The following SHC3 variants were observed in gnomAD, a reference collection of about 807,000 sequenced individuals.
SHC3 encodes SHC-transforming protein 3.
A neutral mutation model predicts 60.4 loss-of-function variants in SHC3; 15 were observed. The ratio of observed to expected loss-of-function variants is 0.25; its 90% CI spans 0.17 to 0.38. The LOEUF is 0.38. SHC3 is among the 10% of genes least tolerant of loss of function. SHC3 has a pLI of 1.00. For synonymous variants in SHC3, 294 were observed against 325.9 expected (o/e 0.90, Z 1.05); for missense variants, 677 against 786.1 (o/e 0.86, Z 1.66).
intron 1 of SHC3, among the ~76,000 whole-genome samples, chr9:89,143,027 G>A (rs1826417637): frequency 2.0e-5 from 3 of 152,074 alleles, no homozygotes; most frequent in Admixed American, 6.6e-5. Context: ...ATTGGATCTC[G>A]GATCTCGCAC....
intron 11 of SHC3, among the ~76,000 whole-genome samples, chr9:89,019,177 T>C (rs771113935): frequency 3.3e-5 from 5 of 152,202 alleles, no homozygotes; most frequent in Non-Finnish European, 7.3e-5. Context: ...CCACTCCATT[T>C]CAATATCGTA....
At chr9:89,087,027 G>T (rs890442313) in intron 2 of SHC3, among the ~76,000 whole-genome samples, 10 of 152,032 alleles carry the variant, frequency 6.6e-5, no homozygotes, top group African/African-American at 2.4e-4. Flanking sequence ...CCTCACTACC[G>T]TGGGTTCCAC....
intron 1 of SHC3, among the ~76,000 whole-genome samples, chr9:89,152,976 T>C (rs1189609696): frequency 1.3e-5 from 2 of 152,154 alleles, no homozygotes; most frequent in East Asian, 1.9e-4. Flanking sequence ...TGGATACCCC[T>C]GGGAGGTATC....
chr9:89,081,859 C>T (rs2118028643), intron 2 of SHC3, among the ~76,000 whole-genome samples: 1 of 152,262 alleles, frequency 6.6e-6, no homozygotes, highest in South Asian at 2.1e-4. Flanking sequence ...TCCAGGTGGC[C>T]ACGGAAGAAA....
chr9:89,070,698 C>T (rs1305056680), intron 5 of SHC3, among the ~76,000 whole-genome samples: 2 of 152,256 alleles, frequency 1.3e-5, no homozygotes, highest in Non-Finnish European at 1.5e-5. Context: ...CTCTCTCTCT[C>T]TCTGCAACTC....
intron 2 of SHC3, among the ~76,000 whole-genome samples, chr9:89,082,669 C>G (rs1825464319): frequency 6.6e-6 from 1 of 152,122 alleles, no homozygotes; most frequent in African/African-American, 2.4e-5. Flanking sequence ...AGATTCTCAC[C>G]CCTCTTCCCA....
Position 89,014,261 on chromosome 9 carries a change from C to A in SHC3, c.1657-686G>T, listed in dbSNP as rs548878924. ...CCATGTCAGGGGAGAGGAGGTTGAA[C>A]ACTCTGCCCTGCTTGCTGGCCTGCA... is the stretch of plus-strand genomic sequence containing the variant. On this transcript the variant is annotated intron_variant, in intron 11 of 11. Transcript: ENST00000375835. 9.8e-4 allele frequency among the ~76,000 whole-genome samples: 149 copies of A among 152,324 alleles called. 1 individual carries two copies. Among genetic ancestry groups the A allele is most frequent in the African/African-American group, 3.3e-3 (139 of 41,580 alleles).
intron 11 of SHC3, among the ~76,000 whole-genome samples, chr9:89,026,014 C>T (rs1182756285): frequency 6.6e-6 from 1 of 152,132 alleles, no homozygotes; most frequent in East Asian, 1.9e-4. Flanking sequence ...GAGGCCAAGG[C>T]AGGCGGACCA....
intron 1 of SHC3, among the ~76,000 whole-genome samples, chr9:89,115,564 A>T (rs535845381): frequency 1.9e-4 from 29 of 152,220 alleles, no homozygotes; most frequent in Middle Eastern, 3.4e-3. Flanking sequence ...TGCCATGTGC[A>T]TACCACCAGC....
chr9:89,082,824 A>T (rs1825466959), intron 2 of SHC3, among the ~76,000 whole-genome samples: 1 of 151,956 alleles, frequency 6.6e-6, no homozygotes, highest in African/African-American at 2.4e-5. Context: ...TAGTCTCTGG[A>T]CTCTGAATGC....
chr9:89,059,671 TGGAGG>T (rs1301425193), intron 6 of SHC3, among the ~76,000 whole-genome samples: 15 of 112,698 alleles, frequency 1.3e-4, no homozygotes, highest in South Asian at 6.3e-4. Flanking sequence ...GAGGACGTGG[TGGAGG>T]ATGGTGGTGG....
chr9:89,135,904 A>C (rs998878637), intron 1 of SHC3, among the ~76,000 whole-genome samples: 5 of 152,220 alleles, frequency 3.3e-5, no homozygotes, highest in African/African-American at 1.2e-4. Flanking sequence ...ACTTGGCATA[A>C]TTTTGCTTAT....
intron 11 of SHC3, among the ~76,000 whole-genome samples, chr9:89,023,895 T>G (rs1252956138): frequency 6.6e-6 from 1 of 152,218 alleles, no homozygotes; most frequent in African/African-American, 2.4e-5. Flanking sequence ...CCTGAAGGGC[T>G]TGTGAAAGTT....
intron 11 of SHC3, among the ~76,000 whole-genome samples, chr9:89,036,442 G>C (rs1374931851): frequency 1.3e-5 from 2 of 152,172 alleles, no homozygotes; most frequent in African/African-American, 2.4e-5. Flanking sequence ...AAGCCCTAGG[G>C]AAATTCAATG....
chr9:89,172,919 TG>T (rs778413887), intron 1 of SHC3, among the ~76,000 whole-genome samples: 2 of 152,226 alleles, frequency 1.3e-5, no homozygotes, highest in Non-Finnish European at 2.9e-5. Flanking sequence ...GGTCTGGCCC[TG>T]GCCCCAGTGA....
At chr9:89,173,540 G>C (rs975215449) in intron 1 of SHC3, among the ~76,000 whole-genome samples, 2 of 152,222 alleles carry the variant, frequency 1.3e-5, no homozygotes, top group South Asian at 2.1e-4. Context: ...AAATGACTGA[G>C]ATAATTGGGT....
At chr9:89,057,795 C>G (rs1824980140) in intron 6 of SHC3, among the ~76,000 whole-genome samples, 1 of 152,174 alleles carries the variant, frequency 6.6e-6, no homozygotes, top group Admixed American at 6.5e-5. Context: ...GGGTGCCCTC[C>G]TCCCCGCAAA....
intron 10 of SHC3, among the ~76,000 whole-genome samples, chr9:89,039,131 G>A (rs1421337110): frequency 6.6e-6 from 1 of 152,200 alleles, no homozygotes; most frequent in African/African-American, 2.4e-5. Context: ...GTAGTGCGAT[G>A]GTTATTTCAG....
At chr9:89,094,739 G>T (rs1282153304) in intron 2 of SHC3, among the ~76,000 whole-genome samples, 4 of 152,126 alleles carry the variant, frequency 2.6e-5, no homozygotes, top group Non-Finnish European at 5.9e-5. Flanking sequence ...AAGGAAGATG[G>T]TGAGGTCAGT....
Sources: gnomAD v4.1 joint callset for allele counts (sites outside exome capture counted in the v4.1 genomes callset) on GRCh38, gnomAD v4.1.1 for gene constraint, MANE v1.5 for transcripts, NCBI Gene and HGNC (gene_info 2026-07-23, HGNC 2026-07-21) for gene names.